Variants in APTX observed in about 807,000 individuals in gnomAD.
APTX encodes the protein aprataxin.
APTX carries 33 observed loss-of-function variants against 42.3 expected under a neutral mutation model. The observed-to-expected ratio is 0.78, with a 90% CI of 0.59 to 1.04. The LOEUF (loss-of-function observed/expected upper bound fraction) is 1.04. APTX is among the 50% of genes least tolerant of loss of function. The probability of loss-of-function intolerance (pLI) is 0.00; values close to 1 mark genes in which losing one functional copy is unlikely to be tolerated. For missense variants in APTX, 421 were observed against 415.1 expected (o/e 1.01, Z -0.12); for synonymous variants, 130 against 146.7 (o/e 0.89, Z 0.82).
At chr9:33,021,541 G>A (rs1838383475) in intron 1 of APTX, among the ~76,000 whole-genome samples, 1 of 152,150 alleles carries the variant, frequency 6.6e-6, no homozygotes, top group African/African-American at 2.4e-5. Flanking sequence ...TAAAAGTGGT[G>A]GCCAGGTGTG....
At chr9:32,991,030 G>A (rs1344028537) in intron 1 of APTX, among the ~76,000 whole-genome samples, 6 of 151,938 alleles carry the variant, frequency 3.9e-5, no homozygotes, top group Non-Finnish European at 7.4e-5. Flanking sequence ...GGGTTCAAGC[G>A]ATTCTCCTGC....
Position 33,014,182 on chromosome 9 carries a change from C to T in APTX, c.-5+10841G>A, listed in dbSNP as rs569915919. Among the ~76,000 whole-genome samples the T allele has an allele frequency of 7.2e-5, 11 of 152,298 alleles. No individual in the cohort carries two copies. In the East Asian group the frequency reaches 1.9e-3, roughly 27 times the overall value. On this transcript the variant is annotated intron_variant, in intron 1 of 6. Transcript: ENST00000436040. The stretch of plus-strand genomic sequence containing the variant: ...CCCTGCCTCTGCTCTGAGGGACAAC[C>T]TGGATGTAGGAGTCTAAGCCAATAG...
upstream of APTX, among the ~76,000 whole-genome samples, chr9:33,004,742 C>T (rs1408352632): frequency 8.6e-5 from 13 of 151,088 alleles, no homozygotes; most frequent in African/African-American, 3.2e-4. Context: ...AGGCGATTCT[C>T]CTGCCTCAGC....
chr9:33,017,345 T>C (rs192949825), intron 1 of APTX, among the ~76,000 whole-genome samples: 19 of 152,332 alleles, frequency 1.2e-4, no homozygotes, highest in Admixed American at 3.9e-4. Context: ...CAGAAACTTA[T>C]TTCTCATTTG....
intron 1 of APTX, chr9:33,016,123 C>T (rs1371181196): frequency 6.6e-6 from 1 of 152,278 alleles, no homozygotes; most frequent in East Asian, 1.9e-4. Context: ...TATTAAAAGT[C>T]ATTTTGTTCA....
intron 1 of APTX, among the ~76,000 whole-genome samples, chr9:32,993,127 C>T (rs1834025019): frequency 6.6e-6 from 1 of 152,198 alleles, no homozygotes; most frequent in Non-Finnish European, 1.5e-5. Context: ...ATCCAGTGAG[C>T]AGCAGAGAGC....
chr9:32,986,056 A>AAAAAAAAAAAAC, intron 4 of APTX, 26 bp from the exon 5 acceptor site: 5 of 809,222 alleles, frequency 6.2e-6, no homozygotes, highest in Non-Finnish European at 8.7e-6. Context: ...AAAAAAAAAC[A>AAAAAAAAAAAAC]AAAAAAAAAA....
intron 2 of APTX, 25 bp downstream of exon 2, chr9:32,989,734 T>A: frequency 3.1e-6 from 5 of 1,614,170 alleles, no homozygotes; most frequent in Non-Finnish European, 4.2e-6. Context: ...ACCATAGTAA[T>A]CTCCACATTT....
At chr9:32,989,512 C>T in intron 2 of APTX, 2 of 630,090 alleles carry the variant, frequency 3.2e-6, no homozygotes, top group Non-Finnish European at 5.8e-6. Flanking sequence ...TCAATTCCAC[C>T]ATCCCATGGT....
chr9:33,024,873 G>GC (rs1316599830), intron 1 of APTX: 1 of 93,206 alleles, frequency 1.1e-5, no homozygotes, highest in South Asian at 6.3e-4. Context: ...GGGGGGGGGG[G>GC]GGGGCAAGAC....
At chr9:32,994,555 A>T (rs570911048) in intron 1 of APTX, among the ~76,000 whole-genome samples, 1 of 152,306 alleles carries the variant, frequency 6.6e-6, no homozygotes, top group East Asian at 1.9e-4. Flanking sequence ...ATTTTTTACA[A>T]ATTGACAGTT....
intron 1 of APTX, among the ~76,000 whole-genome samples, chr9:33,021,031 A>G (rs1838332646): frequency 6.6e-6 from 1 of 151,932 alleles, no homozygotes; most frequent in Non-Finnish European, 1.5e-5. Context: ...TGGGAAGCTG[A>G]GGCAGGAGAA....
chr9:32,993,537 T>C (rs1834128408), intron 1 of APTX, among the ~76,000 whole-genome samples: 1 of 152,220 alleles, frequency 6.6e-6, no homozygotes, highest in Non-Finnish European at 1.5e-5. Context: ...AAGTGAATTA[T>C]CAAATGCTAT....
At chr9:32,995,365 C>T (rs1834581661) in intron 1 of APTX, among the ~76,000 whole-genome samples, 1 of 152,080 alleles carries the variant, frequency 6.6e-6, no homozygotes, top group Admixed American at 6.6e-5. Context: ...GATTCCAACC[C>T]TTATGGATGA....
chr9:32,997,368 C>CAG lies in APTX; in HGVS notation c.-5+4198_-5+4199insCT, dbSNP rs10662678. 0.96 allele frequency: 146,351 copies of CAG among 152,250 alleles called. 70,564 individuals are homozygous for CAG. The highest frequency in any genetic ancestry group is 1 in the East Asian group (5,182 of 5,182). The allele number at this position is 152,250 out of a possible 1,614,324, so 9.4% of individuals were successfully genotyped here. A position where few individuals can be genotyped will look rare whatever the true frequency, so the allele number is the denominator to read the frequency against. On this transcript the variant is annotated intron_variant, in intron 1 of 7. Coordinates refer to ENST00000379817, the MANE Select transcript of APTX (RefSeq NM_001195248.2). The stretch of plus-strand genomic sequence containing the variant: ...ATAAATCTTGTGGAGGAGAAAAACA[C>CAG]AAACAATTATGTTAATAGTAGATGT...
chr9:33,016,002 G>A (rs1480397007), intron 1 of APTX: 1 of 152,168 alleles, frequency 6.6e-6, no homozygotes, highest in Non-Finnish European at 1.5e-5. Context: ...TAATTATCTA[G>A]AAGATGTATA....
At chr9:33,016,265 A>C (rs1284235402) in intron 1 of APTX, 2 of 152,212 alleles carry the variant, frequency 1.3e-5, no homozygotes, top group East Asian at 1.9e-4. Flanking sequence ...TGTTGCTGAC[A>C]CAACATCTGA....
intron 2 of APTX, among the ~76,000 whole-genome samples, chr9:32,988,757 C>T (rs1475987470): frequency 6.7e-6 from 1 of 148,620 alleles, no homozygotes; most frequent in Non-Finnish European, 1.5e-5. Context: ...TTAAATCAGG[C>T]TTCCACTATT....
At chr9:32,992,770 G>C (rs1347232923) in intron 1 of APTX, among the ~76,000 whole-genome samples, 1 of 152,218 alleles carries the variant, frequency 6.6e-6, no homozygotes, top group Non-Finnish European at 1.5e-5. Flanking sequence ...TCAGAGATTA[G>C]TGAGGAGGCT....
Sources: gnomAD v4.1 joint callset for allele counts (sites outside exome capture counted in the v4.1 genomes callset) on GRCh38, gnomAD v4.1.1 for gene constraint, MANE v1.5 for transcripts, NCBI Gene and HGNC (gene_info 2026-07-23, HGNC 2026-07-21) for gene names.